The following NTMT1 variants were observed in gnomAD, a reference collection of about 807,000 sequenced individuals.
NTMT1 encodes the protein N-terminal Xaa-Pro-Lys N-methyltransferase 1, also known as N-terminal RCC1 methyltransferase.
In NTMT1, 8 loss-of-function variants were observed where a neutral mutation model predicts 17.5. That is an observed-to-expected ratio of 0.46 (90% CI 0.27 to 0.82). NTMT1 has a LOEUF of 0.82. Among genes scored for constraint, NTMT1 ranks in the 40% least tolerant of loss-of-function variants. NTMT1 has a pLI of 0.15. For missense variants in NTMT1, 221 were observed against 303.5 expected (o/e 0.73, Z 2.02); for synonymous variants, 128 against 126.8 (o/e 1.01, Z -0.06).
In NTMT1 at chr9:129,613,588, C is replaced by G. The variant is rs1427371601; in HGVS notation, c.-55+4410C>G. The G allele has an allele frequency of 6.2e-7, 1 of 1,614,176 alleles. No individual in the cohort carries two copies. Among genetic ancestry groups the G allele is most frequent in the Non-Finnish European group, 8.5e-7 (1 of 1,180,016 alleles). On this transcript the variant is annotated intron_variant, in intron 1 of 3. Transcript: ENST00000372486. The surrounding 1 kb of genome is among the most constrained non-coding windows in gnomAD (Gnocchi z 6.2). ...GGCGGCCTTCTGGTTCACAATGACG[C>G]TCTGTTGGACTGCAGGAAAGAGGGC... is the stretch of plus-strand genomic sequence containing the variant.
At chr9:129,632,542 TCAG>T (rs2118960483) in intron 1 of NTMT1, 105 bp from the exon 2 acceptor site, 1 of 743,880 alleles carries the variant, frequency 1.3e-6, no homozygotes, top group East Asian at 2.7e-5. Flanking sequence ...CTCTCTGCAC[TCAG>T]CAGGATGTGT....
intron 1 of NTMT1, among the ~76,000 whole-genome samples, chr9:129,615,818 G>A (rs1473234736): frequency 2.6e-5 from 4 of 152,212 alleles, no homozygotes; most frequent in African/African-American, 9.6e-5. Context: ...CTACCTGCCA[G>A]GCAGGCTCAA....
intron 2 of NTMT1, 85 bp downstream of exon 2, chr9:129,632,950 T>C (rs1469240595): frequency 1.4e-6 from 2 of 1,461,750 alleles, no homozygotes; most frequent in South Asian, 1.2e-5. Flanking sequence ...CTTTTACACA[T>C]GTAACACTGC....
Position 129,635,265 on chromosome 9 carries a change from G to GC in NTMT1, c.477dup (p.Asn160GlnfsTer29), listed in dbSNP as rs1564351092. ...CTGCGGCGCTGCAAGGGCAGCCTCC[G>GC]CCCCAACGGCATCATCGTCATCAAA... On this transcript the variant is annotated frameshift_variant, in exon 4 of 4. Transcript: ENST00000372483. LOFTEE classifies it high-confidence loss of function. 17 of 1,613,258 alleles carry GC rather than the reference G, an allele frequency of 1.1e-5. No homozygotes were observed. The highest frequency in any genetic ancestry group is 1.4e-5 in the Non-Finnish European group (17 of 1,180,010).
chr9:129,620,319 C>T lies in NTMT1; in HGVS notation c.-55+11141C>T, dbSNP rs1455476972. ...CGCTTCCGCACGGCCCGCCGGGTCG[C>T]GGTGAGCAAGGCGGGCAGGCGCGGC... On this transcript the variant is annotated intron_variant, in intron 1 of 3. Transcript: ENST00000372486. This position sits in a 1 kb window ranked among gnomAD's most constrained non-coding sequence, Gnocchi z 5.8. 1 of 1,238,362 alleles carries T rather than the reference C, an allele frequency of 8.1e-7. No individual in the cohort carries two copies. Among genetic ancestry groups the T allele is most frequent in the East Asian group, 3.2e-5 (1 of 31,180 alleles). 76.7% of individuals were successfully genotyped at this position (1,238,362 alleles called of 1,614,324 possible). A position where few individuals can be genotyped will look rare whatever the true frequency, so the allele number is the denominator to read the frequency against.
At chr9:129,623,149 C>T (rs1360730125), upstream of NTMT1, among the ~76,000 whole-genome samples, 5 of 151,958 alleles carry the variant, frequency 3.3e-5, no homozygotes, top group African/African-American at 7.2e-5. Flanking sequence ...CTGGCTAACA[C>T]GGTGAAACCC....
chr9:129,624,253 G>A (rs759042109), upstream of NTMT1, among the ~76,000 whole-genome samples: 3 of 152,232 alleles, frequency 2.0e-5, no homozygotes, highest in Non-Finnish European at 4.4e-5. Context: ...CTGTGGGGAA[G>A]GGGCTTGCTC....
At position 129,620,343 on chromosome 9, in the gene NTMT1, G is replaced by A; in HGVS notation, c.-55+11165G>A. 1 of 1,229,446 alleles carries A rather than the reference G, an allele frequency of 8.1e-7. No homozygotes were observed. Among genetic ancestry groups the A allele is most frequent in the Non-Finnish European group, 1.0e-6 (1 of 986,126 alleles). The allele number at this position is 1,229,446 out of a possible 1,614,324, so 76.2% of individuals were successfully genotyped here. On this transcript the variant is annotated intron_variant, in intron 1 of 3. Transcript: ENST00000372486. The surrounding 1 kb of genome is among the most constrained non-coding windows in gnomAD (Gnocchi z 5.8). ...GCGGTGAGCAAGGCGGGCAGGCGCGGCGGGAGGCGTCCGACGCCCACCCCG... is the reference window on the plus strand; with the variant it reads ...GCGGTGAGCAAGGCGGGCAGGCGCGACGGGAGGCGTCCGACGCCCACCCCG...
chr9:129,634,117 ACCAAGCGGCTG>A lies in NTMT1; in HGVS notation c.228_238del (p.Lys77ProfsTer108). 6.2e-7 allele frequency: 1 copy of A among 1,614,116 alleles called. No homozygotes were observed. The highest frequency in any genetic ancestry group is 8.5e-7 in the Non-Finnish European group (1 of 1,179,982). ...CTGTGGAGCTGGCATTGGGAGGATC[ACCAAGCGGCTG>A]CTCCTGCCGCTGTTCAGAGAGGTGG... On this transcript the variant is annotated frameshift_variant, in exon 3 of 4. Transcript: ENST00000372483. LOFTEE classifies it high-confidence loss of function.
chr9:129,620,431 GC>G lies in NTMT1; in HGVS notation c.-55+11257del. ...CCCCCGGGATCCTCCAGTCCCCGGAGCCCCGCGCGCCCAGAGCCGCTCGGAG... is the reference window on the plus strand; with the variant it reads ...CCCCCGGGATCCTCCAGTCCCCGGAGCCCGCGCGCCCAGAGCCGCTCGGAG... On this transcript the variant is annotated intron_variant, in intron 1 of 3. Transcript: ENST00000372486. This position sits in a 1 kb window ranked among gnomAD's most constrained non-coding sequence, Gnocchi z 5.8. The G allele has an allele frequency of 7.9e-7, 1 of 1,265,572 alleles. No homozygotes were observed. Among genetic ancestry groups the G allele is most frequent in the East Asian group, 3.2e-5 (1 of 31,694 alleles). The allele number at this position is 1,265,572 out of a possible 1,614,324, so 78.4% of individuals were successfully genotyped here.
intron 1 of NTMT1, among the ~76,000 whole-genome samples, chr9:129,630,992 G>T (rs7025011): frequency 0.19 from 28,724 of 152,098 alleles, 3,079 homozygotes; most frequent in African/African-American, 0.3. Context: ...TGCACTCGAG[G>T]CCACCCTCAT....
At chr9:129,629,613 A>G (rs552571010) in intron 1 of NTMT1, among the ~76,000 whole-genome samples, 1 of 152,262 alleles carries the variant, frequency 6.6e-6, no homozygotes, top group African/African-American at 2.4e-5. Flanking sequence ...GTGCTGGGAC[A>G]CCAGTGTGGG....
rs1830179673 is a variant in NTMT1 at position 129,613,352 on chromosome 9, G to C, written c.-55+4174G>C. ...GACCCACACTGGCAACCCGCCTGCTGCTGGGTGGGGAGGTCTGTAGGCAAG... is the reference window on the plus strand; with the variant it reads ...GACCCACACTGGCAACCCGCCTGCTCCTGGGTGGGGAGGTCTGTAGGCAAG... On this transcript the variant is annotated intron_variant, in intron 1 of 3. Coordinates refer to the NTMT1 transcript ENST00000372486. The surrounding 1 kb of genome is among the most constrained non-coding windows in gnomAD (Gnocchi z 6.2). 2 of 1,573,976 alleles carry C rather than the reference G, an allele frequency of 1.3e-6. No individual in the cohort carries two copies.
intron 1 of NTMT1, among the ~76,000 whole-genome samples, chr9:129,621,058 C>G (rs1830683978): frequency 1.3e-5 from 2 of 152,258 alleles, no homozygotes. Context: ...GCACCTGCCT[C>G]TCTGCAGCCG....
chr9:129,627,989 G>A (rs1055646028), intron 1 of NTMT1, among the ~76,000 whole-genome samples: 1 of 152,236 alleles, frequency 6.6e-6, no homozygotes, highest in African/African-American at 2.4e-5. Flanking sequence ...GCAGCAGCCA[G>A]GTGACTGTGA....
chr9:129,620,423 T>C lies in NTMT1; in HGVS notation c.-55+11245T>C, dbSNP rs141348351. ...GGCGCCGCCCCCCGGGATCCTCCAG[T>C]CCCCGGAGCCCCGCGCGCCCAGAGC... On this transcript the variant is annotated intron_variant, in intron 1 of 3. Coordinates refer to the NTMT1 transcript ENST00000372486. The surrounding 1 kb of genome is among the most constrained non-coding windows in gnomAD (Gnocchi z 5.8). 0.024 allele frequency: 29,783 copies of C among 1,253,376 alleles called. 537 individuals are homozygous for C. The highest frequency in any genetic ancestry group is 0.078 in the East Asian group (2,471 of 31,566). 77.6% of individuals were successfully genotyped at this position (1,253,376 alleles called of 1,614,324 possible). A position where few individuals can be genotyped will look rare whatever the true frequency, so the allele number is the denominator to read the frequency against.
At chr9:129,622,380 C>G (rs182777352), upstream of NTMT1, among the ~76,000 whole-genome samples, 7 of 152,236 alleles carry the variant, frequency 4.6e-5, no homozygotes, top group African/African-American at 1.4e-4. Context: ...ATAATCCCAG[C>G]TACTTGGGAG....
rs552800901 is a variant in NTMT1 at position 129,613,913 on chromosome 9, G to T, written c.-55+4735G>T. 9.2e-5 allele frequency among the ~76,000 whole-genome samples: 14 copies of T among 152,328 alleles called. No individual in the cohort carries two copies. The South Asian group carries it at 2.5e-3, about 27-fold the overall frequency. ...TCCCAGAAACCATGCTGAGAGCGTTGAGGGCTTCAGGGAGGGCTGTCTCAG... is the reference window on the plus strand; with the variant it reads ...TCCCAGAAACCATGCTGAGAGCGTTTAGGGCTTCAGGGAGGGCTGTCTCAG... On this transcript the variant is annotated intron_variant, in intron 1 of 3. Transcript: ENST00000372486. The surrounding 1 kb of genome is among the most constrained non-coding windows in gnomAD (Gnocchi z 6.2).
chr9:129,616,211 T>TTTTTTG (rs1431307924), intron 1 of NTMT1, among the ~76,000 whole-genome samples: 1 of 151,998 alleles, frequency 6.6e-6, no homozygotes, highest in African/African-American at 2.4e-5. Flanking sequence ...CAGGGAGCTG[T>TTTTTTG]TTTTTGTTTT....
Sources: allele counts gnomAD v4.1 joint callset (sites outside exome capture counted in the v4.1 genomes callset), GRCh38; gene constraint gnomAD v4.1.1; non-coding constraint Gnocchi (gnomAD v3.1); transcripts MANE v1.5; gene names NCBI Gene and HGNC (gene_info 2026-07-23, HGNC 2026-07-21).